Variants in UGT3A2 observed in about 807,000 individuals in gnomAD.
The protein encoded by UGT3A2 is UDP-glycosyltransferase 3A2.
UGT3A2 carries 32 observed loss-of-function variants against 39.8 expected under a neutral mutation model. That is an observed-to-expected ratio of 0.80 (90% CI 0.61 to 1.08). The LOEUF (loss-of-function observed/expected upper bound fraction) is 1.08, where lower values mean the gene tolerates loss of function less well. Ranked by LOEUF, UGT3A2 falls within the 50% of genes least tolerant of loss-of-function variation. UGT3A2 has a pLI of 0.00. For missense variants in UGT3A2, 611 were observed against 637.1 expected, an observed-to-expected ratio of 0.96 and a Z score of 0.44; for synonymous variants, 241 against 230.7, an observed-to-expected ratio of 1.04 and a Z score of -0.40.
chr5:36,039,554 C>CA lies in UGT3A2; in HGVS notation c.997dup (p.Cys333LeufsTer24). On this transcript the variant is annotated frameshift_variant, in exon 5 of 7. Transcript: ENST00000282507. LOFTEE classifies it high-confidence loss of function. ...GTGGACATCTTTGGGCCAATGAGAA[C>CA]ACTGACACTTCCATATCACCCCTTG... The CA allele has an allele frequency of 6.2e-7, 1 of 1,614,190 alleles. No individual in the cohort carries two copies. Among genetic ancestry groups the CA allele is most frequent in the Non-Finnish European group, 8.5e-7 (1 of 1,180,038 alleles).
Position 36,037,963 on chromosome 5 carries a change from C to T in UGT3A2, c.1129G>A (p.Glu377Lys). 1 of 1,613,864 alleles carries T rather than the reference C, an allele frequency of 6.2e-7. No homozygotes were observed. ...VTHGGQNSIM[E>K]AIQHGVPMVG... ...ATGGGCACACCATGCTGGATGGCCT[C>T]CATTATGCTATTCTGCCCGCCGTGG... The change falls in exon 6 of 7, where the codon GAG (glutamate) becomes AAG (lysine). Residue 377 changes from glutamate to lysine, a missense_variant. Coordinates refer to ENST00000282507, the MANE Select transcript of UGT3A2 (RefSeq NM_174914.4).
At chr5:36,060,786 CGAT>C (rs1388693150) in intron 2 of UGT3A2, among the ~76,000 whole-genome samples, 1 of 152,098 alleles carries the variant, frequency 6.6e-6, no homozygotes, top group African/African-American at 2.4e-5. Context: ...TTCCACTTCA[CGAT>C]GATGAAAAAC....
chr5:36,060,087 C>T (rs1226411670), intron 2 of UGT3A2, among the ~76,000 whole-genome samples: 10 of 152,178 alleles, frequency 6.6e-5, no homozygotes, highest in Non-Finnish European at 7.3e-5. Context: ...ACACAGGAAG[C>T]TGAGAAACTG....
chr5:36,063,278 C>A (rs1443686138), intron 2 of UGT3A2, among the ~76,000 whole-genome samples: 1 of 152,070 alleles, frequency 6.6e-6, no homozygotes, highest in African/African-American at 2.4e-5. Context: ...AGTCCTAAAT[C>A]CACCCAACTC....
chr5:36,066,654 C>G, intron 1 of UGT3A2, 42 bp downstream of exon 1: 1 of 1,612,954 alleles, frequency 6.2e-7, no homozygotes, highest in Non-Finnish European at 8.5e-7. Context: ...GTGCGAGTAT[C>G]CGGGACGCGC....
At chr5:36,061,238 T>TTTA (rs77719519) in intron 2 of UGT3A2, among the ~76,000 whole-genome samples, 54,790 of 150,544 alleles carry the variant, frequency 0.36, 10,066 homozygotes, top group Non-Finnish European at 0.38. Context: ...AATTTTAAAT[T>TTTA]TTATTATTAT....
At chr5:36,065,834 T>A (rs1173918947) in intron 1 of UGT3A2, among the ~76,000 whole-genome samples, 4 of 152,102 alleles carry the variant, frequency 2.6e-5, no homozygotes, top group Non-Finnish European at 4.4e-5. Flanking sequence ...TGATCTGTGG[T>A]TCTTCCCAGC....
At chr5:36,052,186 C>T (rs1042179725) in intron 2 of UGT3A2, among the ~76,000 whole-genome samples, 1 of 152,158 alleles carries the variant, frequency 6.6e-6, no homozygotes, top group Non-Finnish European at 1.5e-5. Context: ...TAGCACAATC[C>T]TAGCTCATTG....
intron 2 of UGT3A2, among the ~76,000 whole-genome samples, chr5:36,052,502 C>T (rs1220612444): frequency 1.6e-5 from 1 of 61,302 alleles, no homozygotes; most frequent in Admixed American, 1.7e-4. Context: ...TGACAAATGT[C>T]AAGCCCCATT....
intron 4 of UGT3A2, among the ~76,000 whole-genome samples, chr5:36,043,263 A>T (rs1292376465): frequency 6.6e-6 from 1 of 152,108 alleles, no homozygotes; most frequent in Non-Finnish European, 1.5e-5. Flanking sequence ...GGAAAAAAAC[A>T]ATATGCTCCT....
intron 3 of UGT3A2, among the ~76,000 whole-genome samples, chr5:36,050,576 G>A (rs1299229426): frequency 6.6e-6 from 1 of 152,194 alleles, no homozygotes; most frequent in African/African-American, 2.4e-5. Flanking sequence ...GAAAATTTCA[G>A]TAATGGGCTG....
chr5:36,047,872 A>G lies in UGT3A2; in HGVS notation c.843+1017T>C, dbSNP rs150866858. On this transcript the variant is annotated intron_variant, in intron 4 of 6. Transcript: ENST00000282507. ...ACCCAGGGAAGCCAGCCTTATGGCC[A>G]TCTCAATTACATCTCCACGTATTGG... Among the ~76,000 whole-genome samples the G allele has an allele frequency of 6.7e-3, 1,027 of 152,258 alleles. 19 individuals are homozygous for G. The highest frequency in any genetic ancestry group is 0.024 in the African/African-American group (977 of 41,546).
intron 6 of UGT3A2, among the ~76,000 whole-genome samples, chr5:36,037,268 C>T (rs1741859912): frequency 6.6e-6 from 1 of 152,024 alleles, no homozygotes; most frequent in Non-Finnish European, 1.5e-5. Flanking sequence ...TAATTACAGA[C>T]CTTAAGAAGT....
At chr5:36,039,866 C>A (rs1741953042) in intron 4 of UGT3A2, among the ~76,000 whole-genome samples, 158 bp from the exon 5 acceptor site, 1 of 152,200 alleles carries the variant, frequency 6.6e-6, no homozygotes, top group African/African-American at 2.4e-5. Flanking sequence ...ACTAGCTGCA[C>A]TGTGGTCATG....
chr5:36,038,933 G>T (rs766530956), intron 5 of UGT3A2, among the ~76,000 whole-genome samples: 1 of 152,178 alleles, frequency 6.6e-6, no homozygotes, highest in Admixed American at 6.5e-5. Context: ...AAGTTGCTAA[G>T]CTTGGCACAC....
At chr5:36,048,845 G>A in intron 4 of UGT3A2, 44 bp downstream of exon 4, 2 of 1,588,134 alleles carry the variant, frequency 1.3e-6, no homozygotes, top group South Asian at 2.3e-5. Flanking sequence ...ATGCACTGAA[G>A]GCCTCTGCGT....
At chr5:36,057,749 C>G (rs1742560120) in intron 2 of UGT3A2, among the ~76,000 whole-genome samples, 1 of 151,646 alleles carries the variant, frequency 6.6e-6, no homozygotes, top group South Asian at 2.1e-4. Flanking sequence ...CTATGTTGCC[C>G]AGGCTGGTTT....
At chr5:36,057,098 A>G (rs1229982294) in intron 2 of UGT3A2, among the ~76,000 whole-genome samples, 1 of 152,202 alleles carries the variant, frequency 6.6e-6, no homozygotes, top group African/African-American at 2.4e-5. Flanking sequence ...GATTCCAGAT[A>G]TTGATTGGTT....
At chr5:36,055,747 G>A (rs1487685154) in intron 2 of UGT3A2, among the ~76,000 whole-genome samples, 1 of 152,074 alleles carries the variant, frequency 6.6e-6, no homozygotes, top group Non-Finnish European at 1.5e-5. Flanking sequence ...GCTGATCTAA[G>A]TAGCAATAAT....
Sources: allele counts gnomAD v4.1 joint callset (sites outside exome capture counted in the v4.1 genomes callset), GRCh38; gene constraint gnomAD v4.1.1; transcripts MANE v1.5; gene names NCBI Gene and HGNC (gene_info 2026-07-23, HGNC 2026-07-21).